The following ARMC3 variants were observed in gnomAD, a reference collection of about 807,000 sequenced individuals.
The protein encoded by ARMC3 is armadillo repeat-containing protein 3.
A neutral mutation model predicts 90.3 loss-of-function variants in ARMC3; 74 were observed. The ratio of observed to expected loss-of-function variants is 0.82; its 90% CI spans 0.68 to 0.99. The LOEUF (loss-of-function observed/expected upper bound fraction) is 0.99. ARMC3 is among the 50% of genes least tolerant of loss of function. ARMC3 has a pLI of 0.00. For synonymous variants in ARMC3, 334 were observed against 361.8 expected (o/e 0.92, Z 0.87); for missense variants, 958 against 1,042.8 (o/e 0.92, Z 1.12).
intron 10 of ARMC3, among the ~76,000 whole-genome samples, chr10:22,987,785 A>AT (rs1226818245): frequency 6.6e-6 from 1 of 152,098 alleles, no homozygotes. Flanking sequence ...TTTGCTTTTT[A>AT]TTTTTTATTT....
At chr10:23,005,071 G>A (rs1837518787) in intron 13 of ARMC3, among the ~76,000 whole-genome samples, 1 of 151,990 alleles carries the variant, frequency 6.6e-6, no homozygotes, top group African/African-American at 2.4e-5. Flanking sequence ...AAATTAGCCG[G>A]GCGTGGTGGC....
chr10:22,933,855 A>G (rs1834022322), intron 2 of ARMC3, among the ~76,000 whole-genome samples: 1 of 152,212 alleles, frequency 6.6e-6, no homozygotes, highest in African/African-American at 2.4e-5. Flanking sequence ...ACTGCACTTC[A>G]GTCTAGGCAA....
chr10:22,943,735 C>A (rs964340281), intron 2 of ARMC3, among the ~76,000 whole-genome samples: 4 of 151,884 alleles, frequency 2.6e-5, no homozygotes, highest in African/African-American at 9.7e-5. Context: ...GAGTTGAAGA[C>A]CAGCCTGGAC....
intron 18 of ARMC3, 81 bp from the exon 19 acceptor site, chr10:23,037,189 T>A: frequency 7.9e-7 from 1 of 1,271,740 alleles, no homozygotes; most frequent in South Asian, 1.7e-5. Flanking sequence ...TCACCTTCAA[T>A]CAAGGTGTGC....
At chr10:22,958,685 C>T (rs1208535832) in intron 4 of ARMC3, among the ~76,000 whole-genome samples, 1 of 152,098 alleles carries the variant, frequency 6.6e-6, no homozygotes, top group African/African-American at 2.4e-5. Context: ...AATAATATTA[C>T]CTGTCTCATA....
chr10:22,952,128 CA>C (rs1404799442), intron 3 of ARMC3, among the ~76,000 whole-genome samples: 3 of 151,120 alleles, frequency 2.0e-5, no homozygotes, highest in Non-Finnish European at 3.0e-5. Flanking sequence ...CATCTCAAAA[CA>C]AAAACAAAAA....
intron 2 of ARMC3, among the ~76,000 whole-genome samples, chr10:22,937,387 T>C (rs1490878600): frequency 6.6e-6 from 1 of 152,200 alleles, no homozygotes; most frequent in Non-Finnish European, 1.5e-5. Context: ...CACACACTTA[T>C]ATAATCAGCT....
chr10:23,035,031 C>A (rs991960010), intron 18 of ARMC3, among the ~76,000 whole-genome samples: 3 of 152,138 alleles, frequency 2.0e-5, no homozygotes, highest in Admixed American at 1.3e-4. Context: ...GAAGATTAAA[C>A]AGCATTTATT....
At chr10:23,009,014 G>A in intron 16 of ARMC3, 83 bp downstream of exon 16, 1 of 1,107,636 alleles carries the variant, frequency 9.0e-7, no homozygotes, top group Non-Finnish European at 1.3e-6. Context: ...GCTTTCTTCT[G>A]ACATCAGGGT....
At chr10:22,949,444 G>A (rs1376618402) in intron 3 of ARMC3, among the ~76,000 whole-genome samples, 1 of 152,170 alleles carries the variant, frequency 6.6e-6, no homozygotes, top group Admixed American at 6.5e-5. Context: ...ACAACTTCTA[G>A]AGATGAAAAC....
chr10:23,014,072 C>T, intron 16 of ARMC3: 1 of 1,549,032 alleles, frequency 6.5e-7, no homozygotes, highest in Non-Finnish European at 8.7e-7. Context: ...TGTCTTCACT[C>T]TCCCTCTTCC....
intron 15 of ARMC3, 53 bp downstream of exon 15, chr10:23,008,427 T>C (rs751755158): frequency 2.9e-5 from 28 of 971,222 alleles, no homozygotes; most frequent in Admixed American, 8.6e-5. Context: ...TTAATTTGAG[T>C]GTGAAAAAAT....
chr10:22,963,371 G>A (rs534934772), intron 7 of ARMC3, among the ~76,000 whole-genome samples: 2 of 152,254 alleles, frequency 1.3e-5, no homozygotes, highest in Admixed American at 1.3e-4. Flanking sequence ...GGAAATATGT[G>A]AGAAGGGTTT....
intron 8 of ARMC3, among the ~76,000 whole-genome samples, 174 bp downstream of exon 8, chr10:22,968,663 G>A (rs1835549895): frequency 6.6e-6 from 1 of 152,008 alleles, no homozygotes; most frequent in African/African-American, 2.4e-5. Context: ...CACCATGCCT[G>A]GCTAATTTTT....
At chr10:22,958,998 C>T (rs766356669) in intron 4 of ARMC3, 72 bp from the exon 5 acceptor site, 1 of 1,253,716 alleles carries the variant, frequency 8.0e-7, no homozygotes, top group Non-Finnish European at 1.2e-6. Context: ...GCTGGGATTA[C>T]AGGCATGAGC....
intron 2 of ARMC3, among the ~76,000 whole-genome samples, chr10:22,934,766 C>A (rs2131132777): frequency 6.6e-6 from 1 of 152,250 alleles, no homozygotes; most frequent in African/African-American, 2.4e-5. Context: ...ATGTAAAATG[C>A]TTAGAACAGT....
At chr10:23,021,335 T>C (rs1838507780) in intron 16 of ARMC3, among the ~76,000 whole-genome samples, 1 of 152,224 alleles carries the variant, frequency 6.6e-6, no homozygotes, top group East Asian at 1.9e-4. Flanking sequence ...CACCCAGTAA[T>C]GGGATGGCTG....
chr10:23,023,048 A>T (rs75804050), intron 16 of ARMC3, among the ~76,000 whole-genome samples: 1 of 152,170 alleles, frequency 6.6e-6, no homozygotes, highest in Non-Finnish European at 1.5e-5. Flanking sequence ...CTGGGGGATG[A>T]TAGTAGGGAG....
At chr10:22,976,467 C>T (rs1835927507) in intron 8 of ARMC3, among the ~76,000 whole-genome samples, 1 of 152,186 alleles carries the variant, frequency 6.6e-6, no homozygotes, top group South Asian at 2.1e-4. Flanking sequence ...GCTGATTGCC[C>T]TCTCCTCCTG....
Sources: allele counts gnomAD v4.1 joint callset (sites outside exome capture counted in the v4.1 genomes callset), GRCh38; gene constraint gnomAD v4.1.1; transcripts MANE v1.5; gene names NCBI Gene and HGNC (gene_info 2026-07-23, HGNC 2026-07-21).